PRMT8: variants seen among roughly 807,000 people sequenced by gnomAD.
PRMT8 encodes the protein protein arginine methyltransferase 8.
In PRMT8, 7 loss-of-function variants were observed where a neutral mutation model predicts 47.1. The observed-to-expected ratio is 0.15, with a 90% CI of 0.08 to 0.28. The LOEUF is 0.28. PRMT8 is among the 10% of genes least tolerant of loss of function. The pLI is 1.00. For synonymous variants in PRMT8, 188 were observed against 186.5 expected, an observed-to-expected ratio of 1.01 and a Z score of -0.07; for missense variants, 237 against 505.4, an observed-to-expected ratio of 0.47 and a Z score of 5.09.
intron 1 of PRMT8, among the ~76,000 whole-genome samples, chr12:3,399,549 T>C (rs566044216): frequency 6.6e-6 from 1 of 152,274 alleles, no homozygotes; most frequent in South Asian, 2.1e-4. Flanking sequence ...AGAGACATCA[T>C]GAGCCTCTTG....
In PRMT8 at chr12:3,583,641, C is replaced by A. The variant is rs899409108; in HGVS notation, c.979+433C>A. Reference sequence around the variant, plus strand: ...CACACTGGTCTCTATGTCTCCTTCCCTTCTCCCTTACTTTCACACCAACCC... The same window carrying A: ...CACACTGGTCTCTATGTCTCCTTCCATTCTCCCTTACTTTCACACCAACCC... On this transcript the variant is annotated intron_variant, in intron 8 of 9. Transcript: ENST00000382622. This position sits in a 1 kb window ranked among gnomAD's most constrained non-coding sequence, Gnocchi z 4.7. Among the ~76,000 whole-genome samples, 6 of 152,216 alleles carry A rather than the reference C, an allele frequency of 3.9e-5. No individual in the cohort carries two copies. The highest frequency in any genetic ancestry group is 1.4e-4 in the African/African-American group (6 of 41,458).
At chr12:3,529,218 G>A (rs1865990694) in intron 1 of PRMT8, among the ~76,000 whole-genome samples, 1 of 152,268 alleles carries the variant, frequency 6.6e-6, no homozygotes, top group Admixed American at 6.5e-5. Flanking sequence ...GTCTGCCTGG[G>A]TTCCTGTTCT....
At chr12:3,454,580 G>A (rs928921734) in intron 1 of PRMT8, among the ~76,000 whole-genome samples, 15 of 152,074 alleles carry the variant, frequency 9.9e-5, no homozygotes, top group African/African-American at 3.4e-4. Flanking sequence ...GGGCAAGAGC[G>A]GCATGTGGCA....
At chr12:3,517,198 A>G (rs1189181520) in intron 1 of PRMT8, among the ~76,000 whole-genome samples, 1 of 152,132 alleles carries the variant, frequency 6.6e-6, no homozygotes, top group Non-Finnish European at 1.5e-5. Context: ...CTCATCAGAC[A>G]CCCGATCTTG....
At chr12:3,488,200 G>A (rs1189319810), upstream of PRMT8, among the ~76,000 whole-genome samples, 1 of 152,144 alleles carries the variant, frequency 6.6e-6, no homozygotes, top group Non-Finnish European at 1.5e-5. Context: ...GGTAGGTCAA[G>A]AATAATCTCT....
intron 1 of PRMT8, among the ~76,000 whole-genome samples, chr12:3,389,272 G>A (rs1266899963): frequency 6.6e-6 from 1 of 152,172 alleles, no homozygotes; most frequent in Non-Finnish European, 1.5e-5. Context: ...AGACTGGTAA[G>A]TGGACTGTCC....
intron 7 of PRMT8, among the ~76,000 whole-genome samples, chr12:3,578,056 A>C (rs1447318686): frequency 6.6e-6 from 1 of 151,182 alleles, no homozygotes; most frequent in Admixed American, 6.6e-5. Flanking sequence ...GAACCATATA[A>C]AACTATTGAT....
intron 1 of PRMT8, among the ~76,000 whole-genome samples, chr12:3,386,859 G>C (rs1249877781): frequency 6.6e-6 from 1 of 152,024 alleles, no homozygotes; most frequent in African/African-American, 2.4e-5. Context: ...ACAGGCGCCT[G>C]CCACCACGCC....
At chr12:3,542,520 A>G (rs376576868) in intron 2 of PRMT8, among the ~76,000 whole-genome samples, 1 of 152,164 alleles carries the variant, frequency 6.6e-6, no homozygotes, top group East Asian at 1.9e-4. Flanking sequence ...CATGTTCTCC[A>G]TGTGACAAGT....
intron 1 of PRMT8, among the ~76,000 whole-genome samples, chr12:3,397,337 T>C (rs537949238): frequency 1.3e-5 from 2 of 151,896 alleles, no homozygotes; most frequent in South Asian, 2.2e-4. Context: ...CCCATCTTTG[T>C]GGTTTTATCT....
intron 1 of PRMT8, among the ~76,000 whole-genome samples, chr12:3,505,075 A>G (rs9668703): frequency 7.1e-6 from 1 of 140,336 alleles, no homozygotes; most frequent in Non-Finnish European, 1.5e-5. Flanking sequence ...CACGGTGCGC[A>G]CACACACTGG....
chr12:3,393,621 G>A (rs1171777042), intron 1 of PRMT8, among the ~76,000 whole-genome samples: 1 of 151,736 alleles, frequency 6.6e-6, no homozygotes, highest in African/African-American at 2.4e-5. Context: ...CTGTAGCCTT[G>A]TAGTATAGTT....
At chr12:3,546,045 T>G (rs2137171526) in intron 2 of PRMT8, among the ~76,000 whole-genome samples, 1 of 152,340 alleles carries the variant, frequency 6.6e-6, no homozygotes, top group South Asian at 2.1e-4. Context: ...CAATAAACTA[T>G]CCAGAAAATC....
intron 1 of PRMT8, among the ~76,000 whole-genome samples, chr12:3,413,501 A>G (rs1864453019): frequency 6.6e-6 from 1 of 152,212 alleles, no homozygotes; most frequent in African/African-American, 2.4e-5. Flanking sequence ...CGATATCACT[A>G]TCTTCCACTT....
chr12:3,396,290 G>T (rs1319030023), intron 1 of PRMT8, among the ~76,000 whole-genome samples: 2 of 152,166 alleles, frequency 1.3e-5, no homozygotes, highest in Non-Finnish European at 2.9e-5. Context: ...GTTAGTTGAT[G>T]CAGTTTCTTC....
intron 1 of PRMT8, among the ~76,000 whole-genome samples, chr12:3,421,911 C>G (rs1028473893): frequency 1.3e-5 from 2 of 152,204 alleles, no homozygotes; most frequent in Admixed American, 1.3e-4. Flanking sequence ...GGGAAACTCA[C>G]CACTGCGCTG....
rs1591598653 is a variant in PRMT8, at chr12:3,552,684, AC to A, written c.418-963del. The A allele has an allele frequency of 4.4e-6, 2 of 457,440 alleles. No individual in the cohort carries two copies. The highest frequency in any genetic ancestry group is 8.8e-6 in the Non-Finnish European group (2 of 227,508). The allele number at this position is 457,440 out of a possible 1,614,324, so 28.3% of individuals were successfully genotyped here. On this transcript the variant is annotated intron_variant, in intron 3 of 9. Transcript: ENST00000382622. The surrounding 1 kb of genome is among the most constrained non-coding windows in gnomAD (Gnocchi z 4.5). ...CCTTGGATGCAGCTCTAACCAAGTG[AC>A]CCCTTCTGACCCCGTAGGTGCCCTC...
chr12:3,528,115 A>G (rs1865973850), intron 1 of PRMT8, among the ~76,000 whole-genome samples: 1 of 152,054 alleles, frequency 6.6e-6, no homozygotes, highest in East Asian at 1.9e-4. Flanking sequence ...CAATTTGATT[A>G]TGTACCTTGG....
Position 3,491,818 on chromosome 12 carries a change from C to T in PRMT8, c.75+118C>T. 3.6e-6 allele frequency: 4 copies of T among 1,108,960 alleles called. 1 individual carries two copies. Among genetic ancestry groups the T allele is most frequent in the Non-Finnish European group, 4.8e-6 (4 of 828,292 alleles). The allele number at this position is 1,108,960 out of a possible 1,614,324, so 68.7% of individuals were successfully genotyped here. ...TTCCCCAGTTTCATCCCGCTCGCTT[C>T]TGCCGGCCTCCTCCTGTGTGTGTGT... On this transcript the variant is annotated intron_variant, in intron 1 of 9. Transcript: ENST00000382622.
Sources: gnomAD v4.1 joint callset for allele counts (sites outside exome capture counted in the v4.1 genomes callset) on GRCh38, gnomAD v4.1.1 for gene constraint, Gnocchi (gnomAD v3.1) non-coding constraint, MANE v1.5 for transcripts, NCBI Gene and HGNC (gene_info 2026-07-23, HGNC 2026-07-21) for gene names.